The following IFT88 variants were observed in gnomAD, a reference collection of about 807,000 sequenced individuals.
IFT88 encodes intraflagellar transport 88, also known as intraflagellar transport protein 88 homolog.
A neutral mutation model predicts 119.5 loss-of-function variants in IFT88; 74 were observed. That is an observed-to-expected ratio of 0.62 (90% CI 0.51 to 0.75). The LOEUF is 0.75. Among genes scored for constraint, IFT88 ranks in the 30% least tolerant of loss-of-function variants. The pLI is 0.00. For synonymous variants in IFT88, 279 were observed against 316.7 expected (o/e 0.88, Z 1.26); for missense variants, 961 against 977.7 (o/e 0.98, Z 0.23).
chr13:20,681,005 A>G (rs1286012991), intron 24 of IFT88, among the ~76,000 whole-genome samples: 3 of 152,182 alleles, frequency 2.0e-5, no homozygotes, highest in African/African-American at 7.2e-5. Context: ...ATTCAGTTGC[A>G]TGTGTGGAGT....
chr13:20,577,668 A>G (rs565641254), intron 2 of IFT88, among the ~76,000 whole-genome samples: 1 of 152,142 alleles, frequency 6.6e-6, no homozygotes, highest in South Asian at 2.1e-4. Flanking sequence ...ATTGATTTGC[A>G]TAAGTTGAAC....
At chr13:20,681,473 G>A (rs1776649513) in intron 24 of IFT88, among the ~76,000 whole-genome samples, 1 of 152,224 alleles carries the variant, frequency 6.6e-6, no homozygotes, top group African/African-American at 2.4e-5. Context: ...AATAGCTTTA[G>A]CTTCTTTCCA....
At chr13:20,636,742 T>C (rs2049068820) in intron 16 of IFT88, among the ~76,000 whole-genome samples, 1 of 152,346 alleles carries the variant, frequency 6.6e-6, no homozygotes, top group East Asian at 1.9e-4. Context: ...TGCTACGTAG[T>C]CCAAAAGACA....
intron 13 of IFT88, among the ~76,000 whole-genome samples, chr13:20,606,498 C>T (rs562867407): frequency 6.6e-6 from 1 of 152,282 alleles, no homozygotes; most frequent in East Asian, 1.9e-4. Flanking sequence ...TGTCTCCTTC[C>T]TCTGCTGGAG....
chr13:20,668,505 C>T (rs562587850), intron 23 of IFT88, among the ~76,000 whole-genome samples: 1 of 152,300 alleles, frequency 6.6e-6, no homozygotes, highest in Admixed American at 6.5e-5. Flanking sequence ...ATCCTTGCTA[C>T]AGCTATTACA....
intron 4 of IFT88, 45 bp downstream of exon 4, chr13:20,589,912 C>T: frequency 1.8e-6 from 2 of 1,141,646 alleles, no homozygotes; most frequent in African/African-American, 1.5e-5. Context: ...TTTTCTCATA[C>T]AATAGTTCAC....
intron 22 of IFT88, among the ~76,000 whole-genome samples, chr13:20,660,949 A>G (rs768652779): frequency 6.6e-6 from 1 of 152,192 alleles, no homozygotes; most frequent in Non-Finnish European, 1.5e-5. Flanking sequence ...TATATATATT[A>G]TCAGTAATAC....
At chr13:20,599,660 CAA>C in intron 11 of IFT88, 95 bp downstream of exon 11, 2 of 630,710 alleles carry the variant, frequency 3.2e-6, no homozygotes, top group Non-Finnish European at 5.6e-6. Context: ...TTGAACATTT[CAA>C]AGTGTTTGTA....
At chr13:20,633,890 C>G (rs1244136349) in intron 16 of IFT88, among the ~76,000 whole-genome samples, 6 of 152,166 alleles carry the variant, frequency 3.9e-5, no homozygotes, top group Non-Finnish European at 8.8e-5. Flanking sequence ...ACCGTAGTGG[C>G]TTGAAATCAC....
intron 3 of IFT88, among the ~76,000 whole-genome samples, chr13:20,585,316 A>G (rs9509290): frequency 0.029 from 4,352 of 152,288 alleles, 100 homozygotes; most frequent in Non-Finnish European, 0.044. Flanking sequence ...GAAATCTCCT[A>G]TACTTACAGT....
intron 17 of IFT88, among the ~76,000 whole-genome samples, chr13:20,639,974 G>A (rs959026115): frequency 2.0e-5 from 3 of 151,534 alleles, no homozygotes; most frequent in Non-Finnish European, 4.4e-5. Flanking sequence ...ATTTTTAGTA[G>A]AGATGGGGTT....
chr13:20,594,090 T>C (rs2138803462), intron 7 of IFT88, among the ~76,000 whole-genome samples: 1 of 151,940 alleles, frequency 6.6e-6, no homozygotes, highest in South Asian at 2.1e-4. Context: ...ATATACATAA[T>C]TAACAAGAAA....
At position 20,614,804 on chromosome 13, in the gene IFT88, GATT is replaced by G. The variant is rs1213047318; in HGVS notation, c.1113-985_1113-983del. ...AGATGAATGTTGAATGATTTGGAAA[GATT>G]ATTTCTTTTCTTTTTTTTTTTTTTT... On this transcript the variant is annotated intron_variant, in intron 13 of 25. Coordinates refer to ENST00000351808, the MANE Select transcript of IFT88 (RefSeq NM_006531.5). 2.2e-5 allele frequency among the ~76,000 whole-genome samples: 3 copies of G among 138,154 alleles called. No homozygotes were observed. In the Admixed American group the frequency reaches 2.2e-4, roughly 10 times the overall value. The allele number at this position is 138,154 out of a possible 152,430, so 90.6% of individuals were successfully genotyped here. A position where few individuals can be genotyped will look rare whatever the true frequency, so the allele number is the denominator to read the frequency against.
At chr13:20,687,607 G>T (rs1448824807) in intron 24 of IFT88, among the ~76,000 whole-genome samples, 1 of 152,008 alleles carries the variant, frequency 6.6e-6, no homozygotes, top group African/African-American at 2.4e-5. Flanking sequence ...TGACATTTTT[G>T]TATATTTCTA....
chr13:20,628,108 A>G (rs879706915), intron 15 of IFT88, among the ~76,000 whole-genome samples: 2 of 152,236 alleles, frequency 1.3e-5, no homozygotes, highest in African/African-American at 2.4e-5. Context: ...CATAATAATC[A>G]TTTGATGGCA....
intron 13 of IFT88, among the ~76,000 whole-genome samples, chr13:20,613,631 T>G (rs2045038647): frequency 6.6e-6 from 1 of 151,894 alleles, no homozygotes; most frequent in East Asian, 1.9e-4. Flanking sequence ...GTATACAGAT[T>G]TTCTTAGTGA....
At chr13:20,599,764 A>T (rs1262644891) in intron 11 of IFT88, among the ~76,000 whole-genome samples, 199 bp downstream of exon 11, 1 of 152,146 alleles carries the variant, frequency 6.6e-6, no homozygotes, top group Non-Finnish European at 1.5e-5. Flanking sequence ...AAAGCATTGT[A>T]TATGATCATA....
At position 20,615,836 on chromosome 13, in the gene IFT88, A is replaced by G. The variant is rs1430865345; in HGVS notation, c.1156A>G (p.Ile386Val). 6.2e-7 allele frequency: 1 copy of G among 1,608,588 alleles called. No individual in the cohort carries two copies. The highest frequency in any genetic ancestry group is 8.5e-7 in the Non-Finnish European group (1 of 1,177,578). ...ATATATTATGACATCTGCAAAACTC[A>G]TTGCTCCTGTAATTGAAACATCTTT... is the stretch of plus-strand genomic sequence containing the variant. Reference protein sequence around the residue: ...EKYIMTSAKLIAPVIETSFAA... With the variant: ...EKYIMTSAKLVAPVIETSFAA... The change falls in exon 14 of 26, where the codon ATT (isoleucine) becomes GTT (valine). Residue 386 changes from isoleucine to valine, a missense_variant. Physicochemically the swap from Ile to Val is conservative, Grantham distance 29 (BLOSUM62 3). Transcript: ENST00000351808.
chr13:20,653,584 A>G (rs902531741), intron 20 of IFT88, among the ~76,000 whole-genome samples: 6 of 147,856 alleles, frequency 4.1e-5, no homozygotes, highest in Non-Finnish European at 8.9e-5. Flanking sequence ...TGATCCTTTA[A>G]GTTTAAAGTA....
Sources: gnomAD v4.1 joint callset for allele counts (sites outside exome capture counted in the v4.1 genomes callset) on GRCh38, gnomAD v4.1.1 for gene constraint, MANE v1.5 for transcripts, NCBI Gene and HGNC (gene_info 2026-07-23, HGNC 2026-07-21) for gene names.